CPNE9: variants seen among roughly 807,000 people sequenced by gnomAD.
CPNE9 encodes copine-9.
Under a neutral mutation model 83.0 loss-of-function variants are expected in CPNE9, and 59 were observed. That is an observed-to-expected ratio of 0.71 (90% CI 0.58 to 0.88). The LOEUF is 0.88. Ranked by LOEUF, CPNE9 falls within the 40% of genes least tolerant of loss-of-function variation. The pLI is 0.00. For synonymous variants in CPNE9, 256 were observed against 273.4 expected (o/e 0.94, Z 0.63); for missense variants, 619 against 720.8 (o/e 0.86, Z 1.62).
rs771342849 is a variant in CPNE9, at chr3:9,715,365, G to A, written c.768+1G>A. 1 of 1,614,212 alleles carries A rather than the reference G, an allele frequency of 6.2e-7. No homozygotes were observed. Among genetic ancestry groups the A allele is most frequent in the East Asian group, 2.2e-5 (1 of 44,892 alleles). On this transcript the variant is annotated splice_donor_variant, in intron 12 of 20. Coordinates refer to ENST00000383832, the MANE Select transcript of CPNE9 (RefSeq NM_153635.3). LOFTEE classifies it high-confidence loss of function. ...CCAGAACCAGTTCACAGTATATGAG[G>A]TGAGCATTCCAGCCCTGCCCAGGTC...
intron 6 of CPNE9, 74 bp downstream of exon 6, chr3:9,705,794 C>G: frequency 6.6e-7 from 1 of 1,521,088 alleles, no homozygotes; most frequent in Non-Finnish European, 9.1e-7. Context: ...GACTGATGAC[C>G]CACTACAAGG....
At chr3:9,710,269 A>G (rs1287669702) in intron 7 of CPNE9, among the ~76,000 whole-genome samples, 1 of 152,278 alleles carries the variant, frequency 6.6e-6, no homozygotes, top group African/African-American at 2.4e-5. Flanking sequence ...CGTGCAGACA[A>G]GACAGTATGA....
At position 9,729,740 on chromosome 3, in the gene CPNE9, C is replaced by A; in HGVS notation, c.*48C>A. ...CACAGTCTGCAAGCCTGCTCACCCACTGCTTCTGCTTTAAGCCAGAGGCAC... is the reference window on the plus strand; with the variant it reads ...CACAGTCTGCAAGCCTGCTCACCCAATGCTTCTGCTTTAAGCCAGAGGCAC... On this transcript the variant is annotated 3_prime_UTR_variant, in exon 21 of 21. Transcript: ENST00000383832. 1.3e-6 allele frequency: 2 copies of A among 1,555,168 alleles called. No homozygotes were observed. The highest frequency in any genetic ancestry group is 2.3e-5 in the East Asian group (1 of 43,794).
rs78883514 is a variant in CPNE9, at chr3:9,705,708, G to C, written c.298-10G>C. 0.053 allele frequency: 85,788 copies of C among 1,613,644 alleles called. 2,695 individuals are homozygous for C. The highest frequency in any genetic ancestry group is 0.064 in the Non-Finnish European group (74,970 of 1,179,576). ...TCTTCCTTCTTGGCTGCCACTGCTG[G>C]GACCTGCAGAAGGTGAGGCTGAATG... On this transcript the variant is annotated splice_polypyrimidine_tract_variant and intron_variant, in intron 5 of 20. Coordinates refer to ENST00000383832, the MANE Select transcript of CPNE9 (RefSeq NM_153635.3).
rs776440574 is a variant in CPNE9 at position 9,712,763 on chromosome 3, C to G, written c.480C>G (p.Asp160Glu). The G allele has an allele frequency of 6.2e-7, 1 of 1,614,138 alleles. No individual in the cohort carries two copies. Among genetic ancestry groups the G allele is most frequent in the South Asian group, 1.1e-5 (1 of 91,084 alleles). ...TGCAGCTGTGTGCAAACAAGCTGGA[C>G]AAGAAGGACTTCTTTGGGAAATCAG... ...ATMQLCANKL[D>E]KKDFFGKSDP... is the part of the protein sequence containing the mutation. Residue 160 changes from aspartate to glutamate, a missense_variant, in exon 9 of 21, where the codon GAC becomes GAG. This residue lies in a region of CPNE9 where 438 missense variants were observed against 562.9 expected (regional missense o/e 0.78). Transcript: ENST00000383832.
chr3:9,712,754 C>A lies in CPNE9; in HGVS notation c.471C>A (p.Asn157Lys). 5 of 1,614,138 alleles carry A rather than the reference C, an allele frequency of 3.1e-6. No homozygotes were observed. The highest frequency in any genetic ancestry group is 4.2e-6 in the Non-Finnish European group (5 of 1,180,002). The part of the protein sequence containing the change: ...RDIATMQLCA[N>K]KLDKKDFFGK... ...TTGCCACCATGCAGCTGTGTGCAAACAAGCTGGACAAGAAGGACTTCTTTG... is the reference window on the plus strand; with the variant it reads ...TTGCCACCATGCAGCTGTGTGCAAAAAAGCTGGACAAGAAGGACTTCTTTG... Residue 157 changes from asparagine to lysine, a missense_variant, in exon 9 of 21, where the codon AAC becomes AAA. Asn to Lys is a moderately conservative substitution (Grantham distance 94). Transcript: ENST00000383832.
intron 7 of CPNE9, among the ~76,000 whole-genome samples, chr3:9,710,386 G>C (rs1240103945): frequency 6.6e-6 from 1 of 152,196 alleles, no homozygotes; most frequent in African/African-American, 2.4e-5. Context: ...AGGTAGGTGT[G>C]GTGGTGGGTG....
chr3:9,704,800 G>A lies in CPNE9; in HGVS notation c.156+5G>A. The A allele has an allele frequency of 6.2e-7, 1 of 1,605,370 alleles. No homozygotes were observed. The highest frequency in any genetic ancestry group is 8.5e-7 in the Non-Finnish European group (1 of 1,176,824). On this transcript the variant is annotated splice_donor_5th_base_variant and intron_variant, in intron 3 of 20. Coordinates refer to ENST00000383832, the MANE Select transcript of CPNE9 (RefSeq NM_153635.3). This position sits in a 1 kb window ranked among gnomAD's most constrained non-coding sequence, Gnocchi z 7.1. Reference sequence around the variant, plus strand: ...GCCAGCCAGGAGTGGCGGGAGGTGAGTCCCAGAGCCCCCTCCCGGCCCAGG... The same window carrying A: ...GCCAGCCAGGAGTGGCGGGAGGTGAATCCCAGAGCCCCCTCCCGGCCCAGG...
At chr3:9,707,808 A>T (rs991672403) in intron 7 of CPNE9, among the ~76,000 whole-genome samples, 2 of 150,692 alleles carry the variant, frequency 1.3e-5, no homozygotes, top group Non-Finnish European at 3.0e-5. Flanking sequence ...AAAAAAAAAA[A>T]CGTGAAGGAG....
chr3:9,724,306 G>GCT (rs1559645242), intron 17 of CPNE9, among the ~76,000 whole-genome samples: 1 of 151,932 alleles, frequency 6.6e-6, no homozygotes, highest in African/African-American at 2.4e-5. Flanking sequence ...AGGAAAAGGA[G>GCT]CTCTGGAAGC....
At chr3:9,705,643 C>G (rs73021421) in intron 5 of CPNE9, 75 bp from the exon 6 acceptor site, 22,408 of 1,593,396 alleles carry the variant, frequency 0.014, 189 homozygotes, top group Non-Finnish European at 0.017. Flanking sequence ...CCCTCTCCTC[C>G]TGCCTGAGTG....
chr3:9,727,569 C>A, intron 20 of CPNE9: 1 of 608,234 alleles, frequency 1.6e-6, no homozygotes, highest in South Asian at 1.9e-5. Context: ...TTGCCAAGAC[C>A]TAAGGGAGGG....
chr3:9,708,691 G>T (rs2076588028), intron 7 of CPNE9, among the ~76,000 whole-genome samples: 1 of 150,196 alleles, frequency 6.7e-6, no homozygotes, highest in African/African-American at 2.5e-5. Flanking sequence ...GGAGTGCAGT[G>T]GGGAGATCTC....
At chr3:9,722,169 C>T (rs534903285) in intron 17 of CPNE9, among the ~76,000 whole-genome samples, 4 of 151,902 alleles carry the variant, frequency 2.6e-5, no homozygotes, top group East Asian at 3.9e-4. Context: ...CACCCCCCCC[C>T]GCCACCCGGC....
At chr3:9,707,593 A>T (rs1432037975) in intron 7 of CPNE9, among the ~76,000 whole-genome samples, 1 of 151,426 alleles carries the variant, frequency 6.6e-6, no homozygotes, top group Non-Finnish European at 1.5e-5. Context: ...AACAGGAAAG[A>T]TGGAATTGAC....
In CPNE9 at chr3:9,704,190, T is replaced by C. The variant is rs1313571053; in HGVS notation, c.68+126T>C. The C allele has an allele frequency of 4.5e-5, 40 of 889,474 alleles. 1 individual carries two copies. The Admixed American group carries it at 1.1e-3, about 23-fold the overall frequency. The allele number at this position is 889,474 out of a possible 1,614,324, so 55.1% of individuals were successfully genotyped here. A position where few individuals can be genotyped will look rare whatever the true frequency, so the allele number is the denominator to read the frequency against. On this transcript the variant is annotated intron_variant, in intron 1 of 20. Coordinates refer to ENST00000383832, the MANE Select transcript of CPNE9 (RefSeq NM_153635.3). The surrounding 1 kb of genome is among the most constrained non-coding windows in gnomAD (Gnocchi z 7.1). ...GCGAAATTGGCTGGAAAATCACAGC[T>C]GATGACAGGGCGAGTAGCTGGTGGG...
At chr3:9,712,159 C>A (rs1055591296) in intron 7 of CPNE9, among the ~76,000 whole-genome samples, 1 of 152,182 alleles carries the variant, frequency 6.6e-6, no homozygotes, top group African/African-American at 2.4e-5. Flanking sequence ...TCCTTCCATG[C>A]ACTCATTCAG....
chr3:9,727,244 T>C lies in CPNE9; in HGVS notation c.1476+58T>C, dbSNP rs925784228. ...AGAGGCACAGTGAGAAGAGGCTAAG[T>C]TGGGAGCCACTTTCACTTACTGCCT... On this transcript the variant is annotated intron_variant, in intron 20 of 20. Transcript: ENST00000383832. The C allele has an allele frequency of 2.5e-6, 4 of 1,578,648 alleles. No individual in the cohort carries two copies. In the African/African-American group the frequency reaches 4.0e-5, roughly 16 times the overall value.
intron 14 of CPNE9, among the ~76,000 whole-genome samples, 158 bp downstream of exon 14, chr3:9,716,193 A>T (rs367689295): frequency 3.4e-4 from 52 of 152,340 alleles, no homozygotes; most frequent in African/African-American, 1.2e-3. Flanking sequence ...GTAAAATGCA[A>T]AATACTGCTC....
Sources: allele counts gnomAD v4.1 joint callset (sites outside exome capture counted in the v4.1 genomes callset), GRCh38; gene constraint gnomAD v4.1.1; regional missense constraint gnomAD v4.1.1; non-coding constraint Gnocchi (gnomAD v3.1); transcripts MANE v1.5; gene names NCBI Gene and HGNC (gene_info 2026-07-23, HGNC 2026-07-21).